Variants in ZNF511 observed in about 807,000 individuals in gnomAD.
ZNF511 encodes the protein zinc finger protein 511.
A neutral mutation model predicts 24.8 loss-of-function variants in ZNF511; 26 were observed. That is an observed-to-expected ratio of 1.05 (90% CI 0.77 to 1.46). The LOEUF is 1.46. Among genes scored for constraint, ZNF511 ranks in the 40% most tolerant of loss-of-function variants. ZNF511 has a pLI of 0.00. For synonymous variants in ZNF511, 144 were observed against 139.6 expected, an observed-to-expected ratio of 1.03 and a Z score of -0.22; for missense variants, 358 against 345.0, an observed-to-expected ratio of 1.04 and a Z score of -0.30.
At chr10:133,311,205 A>G (rs1040502545) in intron 4 of ZNF511, among the ~76,000 whole-genome samples, 7 of 152,276 alleles carry the variant, frequency 4.6e-5, no homozygotes, top group Middle Eastern at 3.4e-3. Context: ...CAGACTCTAC[A>G]TTTTCTCAAG....
chr10:133,309,622 G>C (rs913567278), intron 2 of ZNF511, among the ~76,000 whole-genome samples, 154 bp from the exon 3 acceptor site: 1 of 152,204 alleles, frequency 6.6e-6, no homozygotes, highest in African/African-American at 2.4e-5. Flanking sequence ...CCACCACCTA[G>C]CCTGTTTGTG....
Position 133,310,283 on chromosome 10 carries a change from C to T in ZNF511, c.549C>T (p.Ser183=), listed in dbSNP as rs377005640. The T allele has an allele frequency of 1.6e-5, 26 of 1,613,780 alleles. No homozygotes were observed. Among genetic ancestry groups the T allele is most frequent in the Non-Finnish European group, 2.2e-5 (26 of 1,180,022 alleles). The change falls in exon 4 of 6, where the codon AGC becomes AGT. Residue 183 remains serine, a synonymous_variant. Coordinates refer to ENST00000361518, the MANE Select transcript of ZNF511 (RefSeq NM_145806.4). ...ADFRFDKPKK[S]RSPASAEAPG... is the part of the protein sequence containing the mutation. ...TCCGGTTTGATAAGCCAAAGAAAAG[C>T]AGAAGGTAGGGAGCCGCCAGGCTCA...
Position 133,308,917 on chromosome 10 carries a change from A to G in ZNF511, c.-27A>G, listed in dbSNP as rs1847905190. ...GCTCGGCTCGCGGACGGTGGCCGAC[A>G]GGCTGCGCCCGCCCGCGCCCGGGGT... On this transcript the variant is annotated 5_prime_UTR_variant, in exon 1 of 6. Transcript: ENST00000361518. 2 of 1,211,976 alleles carry G rather than the reference A, an allele frequency of 1.7e-6. No individual in the cohort carries two copies. Among genetic ancestry groups the G allele is most frequent in the East Asian group, 3.4e-5 (1 of 29,280 alleles). 75.1% of individuals were successfully genotyped at this position (1,211,976 alleles called of 1,614,324 possible).
chr10:133,312,276 T>G (rs1200860072), intron 5 of ZNF511: 1 of 1,271,200 alleles, frequency 7.9e-7, no homozygotes, highest in East Asian at 3.7e-5. Flanking sequence ...TAGCATGACC[T>G]GTACTGTCTG....
intron 5 of ZNF511, chr10:133,312,145 G>A (rs1848004681): frequency 7.1e-7 from 1 of 1,413,444 alleles, no homozygotes; most frequent in East Asian, 2.5e-5. Flanking sequence ...CACAACCCAG[G>A]CGTCTGCCTT....
chr10:133,310,611 G>A lies in ZNF511; in HGVS notation c.554+323G>A, dbSNP rs12247307. On this transcript the variant is annotated intron_variant, in intron 4 of 5. Transcript: ENST00000361518. ...CATGCCTGTACCTCCTGCAGCAGTC[G>A]GCCGTGGTCATCCGCACTCACACCC... The A allele has an allele frequency of 3.6e-3, 1,285 of 361,440 alleles. 16 individuals are homozygous for A. The highest frequency in any genetic ancestry group is 0.025 in the African/African-American group (1,215 of 47,990). The allele number at this position is 361,440 out of a possible 1,614,324, so 22.4% of individuals were successfully genotyped here. A position where few individuals can be genotyped will look rare whatever the true frequency, so the allele number is the denominator to read the frequency against.
chr10:133,312,162 A>G (rs1013302974), intron 5 of ZNF511: 12 of 1,335,782 alleles, frequency 9.0e-6, no homozygotes, highest in African/African-American at 5.9e-5. Flanking sequence ...CCTTAATAGC[A>G]TCACCTGTGC....
intron 5 of ZNF511, 186 bp downstream of exon 5, chr10:133,312,027 T>C: frequency 6.5e-7 from 1 of 1,538,942 alleles, no homozygotes; most frequent in Non-Finnish European, 8.7e-7. Context: ...TTAGTTTCTC[T>C]CGCATACTCT....
rs1848020288 is a variant in ZNF511, at chr10:133,312,806, C to A, written c.699C>A (p.Cys233Ter). ...IYRHRIPSTI[C>*]FGQGAARGFK... is the part of the protein sequence containing the mutation. The stretch of plus-strand genomic sequence containing the variant: ...ATCCCAGAATACCCTCTACCATCTG[C>A]TTTGGTCAGGGTGCCGCTCGAGGAT... Residue 233 changes from cysteine to a stop codon, truncating the protein, a stop_gained, in exon 6 of 6, where the codon TGC (cysteine) becomes TGA (stop). Transcript: ENST00000361518. LOFTEE classifies it high-confidence loss of function. 6.2e-7 allele frequency: 1 copy of A among 1,614,124 alleles called. No individual in the cohort carries two copies. The highest frequency in any genetic ancestry group is 8.5e-7 in the Non-Finnish European group (1 of 1,180,056).
chr10:133,311,955 G>A (rs751407818), intron 5 of ZNF511, 114 bp downstream of exon 5: 12 of 1,611,964 alleles, frequency 7.4e-6, no homozygotes, highest in Non-Finnish European at 1.0e-5. Context: ...AGGTAACGCT[G>A]GGTAAGAAAA....
intron 5 of ZNF511, 184 bp from the exon 6 acceptor site, chr10:133,312,603 AC>A (rs1333963313): frequency 2.0e-6 from 3 of 1,478,862 alleles, no homozygotes; most frequent in Admixed American, 2.4e-5. Flanking sequence ...GCTGGCGGGG[AC>A]CCCCCACAGG....
In ZNF511 at chr10:133,309,682, G is replaced by A. The variant is rs987292336; in HGVS notation, c.228-94G>A. 7.0e-6 allele frequency: 10 copies of A among 1,437,538 alleles called. No individual in the cohort carries two copies. The East Asian group carries it at 9.1e-5, about 13-fold the overall frequency. The allele number at this position is 1,437,538 out of a possible 1,614,324, so 89.0% of individuals were successfully genotyped here. On this transcript the variant is annotated intron_variant, in intron 2 of 5. Transcript: ENST00000361518. The stretch of plus-strand genomic sequence containing the variant: ...TTGGGATTGCAAAAGATGCATAGGG[G>A]CTTTATTGGACGTCTCAAAGGGAAA...
chr10:133,309,902 C>T lies in ZNF511; in HGVS notation c.354C>T (p.Ser118=), dbSNP rs1847949337. Residue 118 remains serine (S), a synonymous_variant, in exon 3 of 6, where the codon TCC becomes TCT. Transcript: ENST00000361518. Reference sequence around the variant, plus strand: ...CCTTTTGCAAGCGGGCCTTCCCTTCCGGACACCTGCTGGACGCCCACATCC... The same window carrying T: ...CCTTTTGCAAGCGGGCCTTCCCTTCTGGACACCTGCTGGACGCCCACATCC... The part of the protein sequence containing the change: ...VCSFCKRAFP[S]GHLLDAHILE... 6 of 1,613,566 alleles carry T rather than the reference C, an allele frequency of 3.7e-6. No homozygotes were observed. The highest frequency in any genetic ancestry group is 1.1e-5 in the South Asian group (1 of 91,086).
intron 5 of ZNF511, 45 bp downstream of exon 5, chr10:133,311,886 C>G: frequency 6.2e-7 from 1 of 1,613,218 alleles, no homozygotes; most frequent in Non-Finnish European, 8.5e-7. Flanking sequence ...AACATGTGTT[C>G]GGTGCTGAGG....
intron 1 of ZNF511, 113 bp from the exon 2 acceptor site, chr10:133,309,277 T>C: frequency 7.3e-7 from 1 of 1,360,900 alleles, no homozygotes; most frequent in Non-Finnish European, 1.0e-6. Context: ...GGCCTGAGGC[T>C]GTGGGGCGGG....
intron 1 of ZNF511, 107 bp downstream of exon 1, chr10:133,309,203 G>GGCCGGA: frequency 7.3e-7 from 1 of 1,375,458 alleles, no homozygotes; most frequent in Non-Finnish European, 9.6e-7. Flanking sequence ...TGCGGGGCGG[G>GGCCGGA]GCCGGAGCCT....
intron 5 of ZNF511, chr10:133,312,372 A>G (rs1848011717): frequency 1.7e-6 from 2 of 1,163,954 alleles, no homozygotes; most frequent in East Asian, 5.4e-5. Flanking sequence ...CAAGTGGGGA[A>G]AAACATCACC....
chr10:133,312,248 C>T, intron 5 of ZNF511: 1 of 1,342,916 alleles, frequency 7.4e-7, no homozygotes, highest in South Asian at 1.6e-5. Context: ...CTAGCATGAC[C>T]TGTGCCGTCT....
chr10:133,310,023 T>C (rs1352116532), intron 3 of ZNF511, 46 bp downstream of exon 3: 1 of 1,611,140 alleles, frequency 6.2e-7, no homozygotes, highest in African/African-American at 1.3e-5. Flanking sequence ...CCATTGGTGA[T>C]GGGCTCAGAG....
Sources: allele counts gnomAD v4.1 joint callset (sites outside exome capture counted in the v4.1 genomes callset), GRCh38; gene constraint gnomAD v4.1.1; transcripts MANE v1.5; gene names NCBI Gene and HGNC (gene_info 2026-07-23, HGNC 2026-07-21).